Variants in IDH1 observed in about 807,000 individuals in gnomAD.
IDH1 encodes isocitrate dehydrogenase [NADP] cytoplasmic.
In IDH1, 33 loss-of-function variants were observed where a neutral mutation model predicts 46.1. That is an observed-to-expected ratio of 0.72 (90% CI 0.54 to 0.96). The LOEUF (loss-of-function observed/expected upper bound fraction) is 0.96. IDH1 is among the 40% of genes least tolerant of loss of function. The pLI is 0.00. For synonymous variants in IDH1, 144 were observed against 172.8 expected, an observed-to-expected ratio of 0.83 and a Z score of 1.31; for missense variants, 421 against 515.7, an observed-to-expected ratio of 0.82 and a Z score of 1.78.
chr2:208,239,731 G>A, intron 8 of IDH1, 132 bp downstream of exon 8: 2 of 856,794 alleles, frequency 2.3e-6, no homozygotes, highest in East Asian at 4.8e-5. Flanking sequence ...TATTCAAATA[G>A]ATCTTACTAG....
chr2:208,243,635 A>C (rs1431059104), intron 5 of IDH1, 31 bp from the exon 6 acceptor site: 3 of 1,553,980 alleles, frequency 1.9e-6, no homozygotes, highest in Non-Finnish European at 2.7e-6. Flanking sequence ...AGAGGAAAAA[A>C]GGGAGAAGAA....
intron 3 of IDH1, among the ~76,000 whole-genome samples, chr2:208,249,624 A>G (rs1279758552): frequency 6.6e-6 from 1 of 152,212 alleles, no homozygotes; most frequent in East Asian, 1.9e-4. Context: ...CTGTTCTCCA[A>G]GGATTTAAAA....
At chr2:208,242,200 G>A in intron 6 of IDH1, 55 bp from the exon 7 acceptor site, 1 of 1,513,218 alleles carries the variant, frequency 6.6e-7, no homozygotes, top group Non-Finnish European at 9.2e-7. Flanking sequence ...TTTTGTTAGG[G>A]ATATCATCTG....
At chr2:208,243,356 GATAC>G (rs1478424954) in intron 6 of IDH1, 67 bp downstream of exon 6, 10 of 1,139,474 alleles carry the variant, frequency 8.8e-6, no homozygotes, top group Non-Finnish European at 1.3e-5. Context: ...GGGATAGGGA[GATAC>G]ATACTCTATA....
At chr2:208,252,039 A>G (rs1688134999) in intron 2 of IDH1, among the ~76,000 whole-genome samples, 1 of 152,174 alleles carries the variant, frequency 6.6e-6, no homozygotes, top group Non-Finnish European at 1.5e-5. Context: ...GGCTCTCAAG[A>G]TGTCCAGAAT....
In IDH1 at chr2:208,237,175, G is replaced by A. The variant is rs201164623; in HGVS notation, c.1155-6C>T. 295 of 1,433,812 alleles carry A rather than the reference G, an allele frequency of 2.1e-4. No individual in the cohort carries two copies. Among genetic ancestry groups the A allele is most frequent in the Middle Eastern group, 5.3e-4 (3 of 5,696 alleles). 88.8% of individuals were successfully genotyped at this position (1,433,812 alleles called of 1,614,324 possible). A position where few individuals can be genotyped will look rare whatever the true frequency, so the allele number is the denominator to read the frequency against. Reference sequence around the variant, plus strand: ...AGTAGTCAGAACGTTGCACACTAACGGGAAGGAAAAAAAAAAGAAAATTTA... The same window carrying A: ...AGTAGTCAGAACGTTGCACACTAACAGGAAGGAAAAAAAAAAGAAAATTTA... On this transcript the variant is annotated splice_polypyrimidine_tract_variant and splice_region_variant and intron_variant, in intron 9 of 9. Transcript: ENST00000345146.
chr2:208,240,973 A>C (rs1462823062), intron 7 of IDH1, among the ~76,000 whole-genome samples: 2 of 152,226 alleles, frequency 1.3e-5, no homozygotes, highest in African/African-American at 4.8e-5. Flanking sequence ...AGACAGAAAA[A>C]GTAGTACTTC....
intron 7 of IDH1, among the ~76,000 whole-genome samples, chr2:208,241,212 A>G (rs956433374): frequency 6.6e-6 from 1 of 152,092 alleles, no homozygotes; most frequent in Non-Finnish European, 1.5e-5. Flanking sequence ...GCTAAGCAGT[A>G]AACAAAAACA....
chr2:208,237,738 G>A (rs1483785227), intron 9 of IDH1, among the ~76,000 whole-genome samples: 3 of 141,852 alleles, frequency 2.1e-5, no homozygotes, highest in Non-Finnish European at 4.6e-5. Flanking sequence ...GGCTAACAAA[G>A]TGAAACCCCG....
In IDH1 at chr2:208,245,365, T is replaced by G. The variant is rs1190464303; in HGVS notation, c.474A>C (p.Pro158=). The G allele has an allele frequency of 6.2e-7, 1 of 1,612,684 alleles. No homozygotes were observed. Among genetic ancestry groups the G allele is most frequent in the South Asian group, 1.1e-5 (1 of 91,026 alleles). The change falls in exon 5 of 10, where the codon CCA becomes CCC. Residue 158 remains proline, a synonymous_variant. Transcript: ENST00000345146. ...ATGTCACCTTTTGGGTTCCGTCACT[T>G]GGTGTGTAGGTTATCTCTACTTTTC... ...GPGKVEITYT[P]SDGTQKVTYL...
intron 7 of IDH1, among the ~76,000 whole-genome samples, chr2:208,241,780 A>G (rs1385117897): frequency 6.6e-6 from 1 of 152,222 alleles, no homozygotes; most frequent in Non-Finnish European, 1.5e-5. Context: ...CACTGGAGCC[A>G]GGAGTGTCAA....
intron 7 of IDH1, 133 bp from the exon 8 acceptor site, chr2:208,240,136 CAAT>C: frequency 1.1e-6 from 1 of 913,136 alleles, no homozygotes; most frequent in South Asian, 1.4e-5. Flanking sequence ...ATGGAATCAC[CAAT>C]AATTCTGCCT....
rs762143982 is a variant in IDH1 at position 208,239,084 on chromosome 2, T to A, written c.1141A>T (p.Lys381Ter). ...TCTTATACTTACTTGGGTAAACCTTTAATGCAAGCAGCCAAGTCCTTGGTC... is the reference window on the plus strand; with the variant it reads ...TCTTATACTTACTTGGGTAAACCTTAAATGCAAGCAGCCAAGTCCTTGGTC... ...FMTKDLAACIKGLPNVQRSDY... is the reference protein window; with the variant it reads ...FMTKDLAACI Residue 381 changes from lysine to a stop codon, truncating the protein, a stop_gained, in exon 9 of 10, where the codon AAA becomes TAA. Transcript: ENST00000345146. LOFTEE classifies it high-confidence loss of function. The A allele has an allele frequency of 6.2e-7, 1 of 1,613,932 alleles. No individual in the cohort carries two copies. The highest frequency in any genetic ancestry group is 2.2e-5 in the East Asian group (1 of 44,876).
At chr2:208,240,515 G>C (rs1159674530) in intron 7 of IDH1, among the ~76,000 whole-genome samples, 1 of 152,070 alleles carries the variant, frequency 6.6e-6, no homozygotes, top group South Asian at 2.1e-4. Flanking sequence ...AGATGGACGA[G>C]AGCTGTCTCT....
rs1687823594 is a variant in IDH1 at position 208,237,053 on chromosome 2, T to C, written c.*26A>G. 1.5e-6 allele frequency: 2 copies of C among 1,321,438 alleles called. No individual in the cohort carries two copies. The highest frequency in any genetic ancestry group is 4.6e-5 in the East Asian group (2 of 43,244). 81.9% of individuals were successfully genotyped at this position (1,321,438 alleles called of 1,614,324 possible). On this transcript the variant is annotated 3_prime_UTR_variant, in exon 10 of 10. Coordinates refer to ENST00000345146, the MANE Select transcript of IDH1 (RefSeq NM_005896.4). ...TGTAGACCTAGTTACCAAAAGACAA[T>C]TATCCTTCTTAGCTCAGGTATGAAC...
chr2:208,251,822 A>T (rs1294196230), intron 2 of IDH1, among the ~76,000 whole-genome samples: 1 of 152,116 alleles, frequency 6.6e-6, no homozygotes. Flanking sequence ...CAATCCAAAA[A>T]AATGGCCATC....
Position 208,245,549 on chromosome 2 carries a change from T to TTC in IDH1, c.415-126_415-125insGA. On this transcript the variant is annotated intron_variant, in intron 4 of 9. Coordinates refer to ENST00000345146, the MANE Select transcript of IDH1 (RefSeq NM_005896.4). ...AATAGGGCAGTATGTCAAACTTCTT[T>TTC]TTTTTTTTTTTTTTTTAGGAGATGG... The TTC allele has an allele frequency of 7.0e-6, 4 of 571,500 alleles. No homozygotes were observed. The East Asian group carries it at 1.2e-4, about 17-fold the overall frequency. The allele number at this position is 571,500 out of a possible 1,614,324, so 35.4% of individuals were successfully genotyped here.
intron 9 of IDH1, among the ~76,000 whole-genome samples, chr2:208,237,764 CAA>C (rs11433971): frequency 0.013 from 1,301 of 97,588 alleles, 22 homozygotes; most frequent in African/African-American, 0.044. Context: ...ACTAAAAATA[CAA>C]AAAAAAAAAA....
chr2:208,249,658 C>T (rs1207306615), intron 3 of IDH1, among the ~76,000 whole-genome samples: 1 of 152,186 alleles, frequency 6.6e-6, no homozygotes, highest in Non-Finnish European at 1.5e-5. Flanking sequence ...TTAAAACCTG[C>T]CTCTAGATTT....
Sources: allele counts gnomAD v4.1 joint callset (sites outside exome capture counted in the v4.1 genomes callset), GRCh38; gene constraint gnomAD v4.1.1; transcripts MANE v1.5; gene names NCBI Gene and HGNC (gene_info 2026-07-23, HGNC 2026-07-21).